The following TTC6 variants were observed in gnomAD, a reference collection of about 807,000 sequenced individuals.
The protein encoded by TTC6 is tetratricopeptide repeat protein 6.
A neutral mutation model predicts 210.4 loss-of-function variants in TTC6; 172 were observed. The ratio of observed to expected loss-of-function variants is 0.82; its 90% CI spans 0.72 to 0.93. The LOEUF is 0.93. TTC6 is among the 40% of genes least tolerant of loss of function. TTC6 has a pLI of 0.00. For synonymous variants in TTC6, 804 were observed against 819.6 expected (o/e 0.98, Z 0.32); for missense variants, 2,414 against 2,318.1 (o/e 1.04, Z -0.85).
intron 8 of TTC6, among the ~76,000 whole-genome samples, chr14:37,737,300 G>A (rs1566921062): frequency 1.3e-5 from 2 of 152,034 alleles, no homozygotes; most frequent in South Asian, 2.1e-4. Context: ...CAGGGTTAAG[G>A]GGATTCATGG....
At position 37,660,499 on chromosome 14, in the gene TTC6, C is replaced by A. The variant is rs114533710; in HGVS notation, c.940-19652C>A. On this transcript the variant is annotated intron_variant, in intron 1 of 30. Coordinates refer to ENST00000553443, the Ensembl canonical transcript of TTC6. ...ATGTGGTATATTTGGTTTTCTATTACTGCGTTAGTTTGCTGAGGATAATGG... is the reference window on the plus strand; with the variant it reads ...ATGTGGTATATTTGGTTTTCTATTAATGCGTTAGTTTGCTGAGGATAATGG... Among the ~76,000 whole-genome samples the A allele has an allele frequency of 2.5e-3, 375 of 152,054 alleles. 2 individuals are homozygous for A. The highest frequency in any genetic ancestry group is 8.4e-3 in the African/African-American group (348 of 41,520).
chr14:37,705,841 T>C (rs575308793), intron 5 of TTC6, among the ~76,000 whole-genome samples: 1 of 152,162 alleles, frequency 6.6e-6, no homozygotes, highest in Non-Finnish European at 1.5e-5. Flanking sequence ...AATTGAAACC[T>C]GAAAGATGGA....
rs183469940 is a variant in TTC6 at position 37,789,100 on chromosome 14, C to T, written c.3436+1463C>T. On this transcript the variant is annotated intron_variant, in intron 15 of 30. Transcript: ENST00000553443. ...CCAGACAGCCCAAGGAGTTTTATCA[C>T]CTGCAACAAAAAAGGACTCTCAAGA... 2.0e-3 allele frequency among the ~76,000 whole-genome samples: 299 copies of T among 152,078 alleles called. 2 individuals carry two copies. Among genetic ancestry groups the T allele is most frequent in the African/African-American group, 7.0e-3 (290 of 41,480 alleles).
intron 5 of TTC6, among the ~76,000 whole-genome samples, chr14:37,710,796 G>T (rs2095843386): frequency 6.6e-6 from 1 of 152,136 alleles, no homozygotes; most frequent in African/African-American, 2.4e-5. Context: ...CATCTGGGTT[G>T]TTTCATAAGT....
At chr14:37,735,930 G>A in exon 8 of TTC6, 1 of 1,529,848 alleles carries the variant, frequency 6.5e-7, no homozygotes, top group South Asian at 1.2e-5. Context: ...GAGTGTTCAA[G>A]CAAGCAGACT....
chr14:37,604,176 T>A (rs1421691241), intron 1 of TTC6, among the ~76,000 whole-genome samples: 1 of 152,178 alleles, frequency 6.6e-6, no homozygotes, highest in African/African-American at 2.4e-5. Flanking sequence ...AGCTCTCCCA[T>A]GGGAACTGGG....
At chr14:37,766,633 C>G (rs902203908) in intron 14 of TTC6, among the ~76,000 whole-genome samples, 1 of 152,020 alleles carries the variant, frequency 6.6e-6, no homozygotes, top group African/African-American at 2.4e-5. Context: ...TAGATTGATT[C>G]CATGTCTTTA....
intron 14 of TTC6, among the ~76,000 whole-genome samples, chr14:37,771,948 G>A (rs1441588670): frequency 1.3e-5 from 2 of 152,034 alleles, no homozygotes; most frequent in African/African-American, 4.8e-5. Flanking sequence ...TCTACTTTTG[G>A]TCTTTGATGA....
chr14:37,704,050 T>C (rs2095830659), intron 5 of TTC6, among the ~76,000 whole-genome samples: 1 of 152,176 alleles, frequency 6.6e-6, no homozygotes, highest in African/African-American at 2.4e-5. Context: ...AGATTGTTTG[T>C]GAACATTTAA....
intron 6 of TTC6, among the ~76,000 whole-genome samples, chr14:37,722,825 C>T (rs1460491663): frequency 6.6e-6 from 1 of 151,946 alleles, no homozygotes; most frequent in Non-Finnish European, 1.5e-5. Context: ...GTCTTTTTTT[C>T]CCCTTTCCAT....
chr14:37,750,445 A>G (rs956017506), intron 12 of TTC6, among the ~76,000 whole-genome samples: 13 of 152,232 alleles, frequency 8.5e-5, no homozygotes, highest in Non-Finnish European at 1.2e-4. Flanking sequence ...ACCTTTTACT[A>G]TGATGATTAA....
At chr14:37,841,212 G>A (rs780650469) in intron 29 of TTC6, among the ~76,000 whole-genome samples, 1 of 152,106 alleles carries the variant, frequency 6.6e-6, no homozygotes, top group Non-Finnish European at 1.5e-5. Context: ...TTATATCGTT[G>A]ACATTGTCTA....
In TTC6 at chr14:37,737,725, A is replaced by G. The variant is rs918068468; in HGVS notation, c.1974A>G (p.Thr658=). 10 of 1,511,260 alleles carry G rather than the reference A, an allele frequency of 6.6e-6. No individual in the cohort carries two copies. The African/African-American group carries it at 1.4e-4, about 21-fold the overall frequency. The allele number at this position is 1,511,260 out of a possible 1,614,324, so 93.6% of individuals were successfully genotyped here. A position where few individuals can be genotyped will look rare whatever the true frequency, so the allele number is the denominator to read the frequency against. Residue 658 remains threonine, a synonymous_variant, in exon 9 of 31, where the codon ACA becomes ACG. Coordinates refer to ENST00000553443, the Ensembl canonical transcript of TTC6. ...AAAAATGGTTTAGTGCACAACCTACACAACTAAGGGTATTATAATTTTACA... is the reference window on the plus strand; with the variant it reads ...AAAAATGGTTTAGTGCACAACCTACGCAACTAAGGGTATTATAATTTTACA...
intron 2 of TTC6, among the ~76,000 whole-genome samples, chr14:37,617,049 T>C (rs1343990837): frequency 6.6e-6 from 1 of 152,050 alleles, no homozygotes; most frequent in African/African-American, 2.4e-5. Flanking sequence ...GTTAATTTTT[T>C]ACTTTTTGTA....
chr14:37,647,068 A>G (rs2095702912), intron 1 of TTC6, among the ~76,000 whole-genome samples: 1 of 152,176 alleles, frequency 6.6e-6, no homozygotes, highest in African/African-American at 2.4e-5. Flanking sequence ...CATTCTAGCA[A>G]CTAAAAATGC....
chr14:37,742,934 G>A (rs924826630), intron 10 of TTC6, among the ~76,000 whole-genome samples: 2 of 152,174 alleles, frequency 1.3e-5, no homozygotes, highest in African/African-American at 4.8e-5. Flanking sequence ...GATTTCTGAA[G>A]TAATGTCCAG....
intron 20 of TTC6, among the ~76,000 whole-genome samples, chr14:37,799,016 G>C (rs879467805): frequency 1.6e-4 from 24 of 152,172 alleles, no homozygotes; most frequent in Admixed American, 3.3e-4. Context: ...ATATTTATGA[G>C]TGAGATTGGT....
At chr14:37,824,539 C>G (rs746037401) in intron 27 of TTC6, among the ~76,000 whole-genome samples, 3 of 152,130 alleles carry the variant, frequency 2.0e-5, no homozygotes, top group Non-Finnish European at 2.9e-5. Flanking sequence ...GGAAACTGCT[C>G]TAGGCCTAGG....
At position 37,685,901 on chromosome 14, in the gene TTC6, G is replaced by A. The variant is rs186406697; in HGVS notation, c.1257+2937G>A. On this transcript the variant is annotated intron_variant, in intron 3 of 30. Coordinates refer to ENST00000553443, the Ensembl canonical transcript of TTC6. The stretch of plus-strand genomic sequence containing the variant: ...TTTCTGCAATCTATGCATTGATCTT[G>A]GACAAAACTCTAGAATTATTAAATG... Among the ~76,000 whole-genome samples, 439 of 152,056 alleles carry A rather than the reference G, an allele frequency of 2.9e-3. 5 individuals carry two copies. Among genetic ancestry groups the A allele is most frequent in the African/African-American group, 0.01 (422 of 41,466 alleles).
Sources: gnomAD v4.1 joint callset for allele counts (sites outside exome capture counted in the v4.1 genomes callset) on GRCh38, gnomAD v4.1.1 for gene constraint, MANE v1.5 for transcripts, NCBI Gene and HGNC (gene_info 2026-07-23, HGNC 2026-07-21) for gene names.